The following PTK2 variants were observed in gnomAD, a reference collection of about 807,000 sequenced individuals.
PTK2 encodes the protein protein tyrosine kinase 2.
A neutral mutation model predicts 150.1 loss-of-function variants in PTK2; 45 were observed. The ratio of observed to expected loss-of-function variants is 0.30; its 90% CI spans 0.24 to 0.38. The LOEUF (loss-of-function observed/expected upper bound fraction) is 0.38, where lower values mean the gene tolerates loss of function less well. PTK2 is among the 10% of genes least tolerant of loss of function. The probability of loss-of-function intolerance (pLI) is 1.00; values close to 1 mark genes in which losing one functional copy is unlikely to be tolerated. For synonymous variants in PTK2, 432 were observed against 449.2 expected, an observed-to-expected ratio of 0.96 and a Z score of 0.48; for missense variants, 919 against 1,307.3, an observed-to-expected ratio of 0.70 and a Z score of 4.58.
chr8:140,782,848 C>T (rs1037642430), intron 14 of PTK2, among the ~76,000 whole-genome samples: 1 of 152,074 alleles, frequency 6.6e-6, no homozygotes, highest in African/African-American at 2.4e-5. Context: ...CTATCCTATT[C>T]CTAATAAATG....
intron 5 of PTK2, among the ~76,000 whole-genome samples, chr8:140,850,044 T>C (rs1434215743): frequency 1.3e-5 from 2 of 152,168 alleles, no homozygotes; most frequent in Non-Finnish European, 2.9e-5. Context: ...TGTGTTGTAC[T>C]CTCTTTTTCT....
intron 27 of PTK2, among the ~76,000 whole-genome samples, chr8:140,681,577 A>T (rs529313970): frequency 6.6e-6 from 1 of 151,940 alleles, no homozygotes; most frequent in Non-Finnish European, 1.5e-5. Flanking sequence ...GGAGATCGAG[A>T]CCATCCCGGC....
In PTK2 at chr8:140,718,053, C is replaced by A; in HGVS notation, c.2031-344G>T. 5 of 248,996 alleles carry A rather than the reference C, an allele frequency of 2.0e-5. 1 individual carries two copies. Among genetic ancestry groups the A allele is most frequent in the Non-Finnish European group, 4.0e-5 (5 of 123,804 alleles). 15.4% of individuals were successfully genotyped at this position (248,996 alleles called of 1,614,324 possible). On this transcript the variant is annotated intron_variant, in intron 22 of 31. Coordinates refer to ENST00000522684, the Ensembl canonical transcript of PTK2. ...AACAGAATTCCTCTGAGAAATCCCACGCAGCACTTTATCAAGCATATACAT... is the reference window on the plus strand; with the variant it reads ...AACAGAATTCCTCTGAGAAATCCCAAGCAGCACTTTATCAAGCATATACAT...
At chr8:140,677,101 T>G (rs13268718) in intron 27 of PTK2, among the ~76,000 whole-genome samples, 81,324 of 151,904 alleles carry the variant, frequency 0.54, 22,277 homozygotes, top group African/African-American at 0.66. Flanking sequence ...AATTTGAAAT[T>G]TTCTTATATG....
At chr8:140,777,041 G>T (rs2100078861) in intron 14 of PTK2, among the ~76,000 whole-genome samples, 1 of 152,170 alleles carries the variant, frequency 6.6e-6, no homozygotes, top group Non-Finnish European at 1.5e-5. Flanking sequence ...ATGTCAGAAG[G>T]GGGCTACTAA....
At chr8:140,731,498 G>A (rs2100049332) in intron 22 of PTK2, among the ~76,000 whole-genome samples, 1 of 152,154 alleles carries the variant, frequency 6.6e-6, no homozygotes, top group African/African-American at 2.4e-5. Flanking sequence ...GGTTCCTTGA[G>A]TCACAGACAT....
chr8:140,883,244 T>C (rs1445648141), intron 3 of PTK2, among the ~76,000 whole-genome samples: 2 of 152,204 alleles, frequency 1.3e-5, no homozygotes, highest in African/African-American at 4.8e-5. Context: ...TGCATGATGC[T>C]AGTGACACAA....
chr8:140,847,469 C>T (rs570918976), intron 5 of PTK2, among the ~76,000 whole-genome samples: 59 of 152,232 alleles, frequency 3.9e-4, no homozygotes, highest in African/African-American at 1.3e-3. Flanking sequence ...GAAATGTGTA[C>T]AATTTCCTTG....
At chr8:140,883,622 C>T (rs2100150526) in intron 3 of PTK2, among the ~76,000 whole-genome samples, 1 of 152,178 alleles carries the variant, frequency 6.6e-6, no homozygotes, top group Admixed American at 6.5e-5. Flanking sequence ...TGGAGGCTTT[C>T]ATCATTGGGT....
chr8:140,686,748 T>G lies in PTK2; in HGVS notation c.2500-54A>C. 3 of 1,454,796 alleles carry G rather than the reference T, an allele frequency of 2.1e-6. No individual in the cohort carries two copies. In the South Asian group the frequency reaches 3.5e-5, roughly 17 times the overall value. The allele number at this position is 1,454,796 out of a possible 1,614,324, so 90.1% of individuals were successfully genotyped here. The stretch of plus-strand genomic sequence containing the variant: ...ATTTCATTTTTGATTTGAAAATTTT[T>G]GACAGATTCTGTATTAAATTCCTTC... On this transcript the variant is annotated intron_variant, in intron 26 of 31. Transcript: ENST00000522684.
intron 14 of PTK2, among the ~76,000 whole-genome samples, chr8:140,781,812 C>T (rs982855299): frequency 2.6e-5 from 4 of 152,110 alleles, no homozygotes; most frequent in Non-Finnish European, 5.9e-5. Flanking sequence ...ACCTATATGA[C>T]CTCCAAGTAT....
At chr8:140,856,363 G>C (rs2100132598) in intron 5 of PTK2, among the ~76,000 whole-genome samples, 1 of 131,484 alleles carries the variant, frequency 7.6e-6, no homozygotes, top group Non-Finnish European at 1.6e-5. Context: ...CTCAATAATA[G>C]TAAAAAACAA....
chr8:140,957,959 C>T (rs1587358267), intron 1 of PTK2, among the ~76,000 whole-genome samples: 1 of 152,294 alleles, frequency 6.6e-6, no homozygotes, highest in East Asian at 1.9e-4. Context: ...AAGAAAAAGA[C>T]AAATCCACAG....
intron 1 of PTK2, among the ~76,000 whole-genome samples, chr8:140,991,082 C>T (rs941535639): frequency 1.3e-5 from 2 of 152,162 alleles, no homozygotes; most frequent in African/African-American, 4.8e-5. Context: ...CAGATTTAAG[C>T]GACATCACCA....
intron 5 of PTK2, among the ~76,000 whole-genome samples, chr8:140,852,661 A>G (rs2100130046): frequency 6.6e-6 from 1 of 152,244 alleles, no homozygotes; most frequent in African/African-American, 2.4e-5. Context: ...TTTGTATTTT[A>G]AAATGTGTAT....
intron 2 of PTK2, among the ~76,000 whole-genome samples, chr8:140,908,878 G>A (rs1320032814): frequency 6.6e-6 from 1 of 152,104 alleles, no homozygotes; most frequent in Non-Finnish European, 1.5e-5. Context: ...GTATAAGAAT[G>A]CATTCAATAT....
intron 2 of PTK2, among the ~76,000 whole-genome samples, chr8:140,901,108 C>T (rs2100158273): frequency 6.6e-6 from 1 of 152,090 alleles, no homozygotes; most frequent in African/African-American, 2.4e-5. Flanking sequence ...CATACATTTA[C>T]AACCAATTCA....
At chr8:140,787,201 G>C (rs1366487211) in intron 14 of PTK2, among the ~76,000 whole-genome samples, 8 of 152,162 alleles carry the variant, frequency 5.3e-5, no homozygotes, top group Non-Finnish European at 1.0e-4. Flanking sequence ...AAAAATGAAA[G>C]CACGATCACA....
intron 1 of PTK2, among the ~76,000 whole-genome samples, chr8:140,986,750 C>T (rs906189029): frequency 7.2e-5 from 11 of 152,156 alleles, no homozygotes; most frequent in African/African-American, 2.4e-4. Context: ...GCCTTGAATT[C>T]GGTTTAAGGA....
Sources: gnomAD v4.1 joint callset for allele counts (sites outside exome capture counted in the v4.1 genomes callset) on GRCh38, gnomAD v4.1.1 for gene constraint, MANE v1.5 for transcripts, NCBI Gene and HGNC (gene_info 2026-07-23, HGNC 2026-07-21) for gene names.